The following HS3ST2 variants were observed in gnomAD, a reference collection of about 807,000 sequenced individuals.
HS3ST2 encodes heparan sulfate-glucosamine 3-sulfotransferase 2.
HS3ST2 carries 17 observed loss-of-function variants against 26.3 expected under a neutral mutation model. The observed-to-expected ratio is 0.65, with a 90% CI of 0.44 to 0.97. The LOEUF (loss-of-function observed/expected upper bound fraction) is 0.97, where lower values mean the gene tolerates loss of function less well. Ranked by LOEUF, HS3ST2 falls within the 50% of genes least tolerant of loss-of-function variation. The probability of loss-of-function intolerance (pLI) is 0.00; values close to 1 mark genes in which losing one functional copy is unlikely to be tolerated. For synonymous variants in HS3ST2, 237 were observed against 219.2 expected (o/e 1.08, Z -0.72); for missense variants, 402 against 501.2 (o/e 0.80, Z 1.89).
intron 1 of HS3ST2, among the ~76,000 whole-genome samples, chr16:22,863,524 T>C (rs1901707813): frequency 6.6e-6 from 1 of 152,260 alleles, no homozygotes; most frequent in Non-Finnish European, 1.5e-5. Flanking sequence ...TACAAATGAT[T>C]CCGTCACCCA....
intron 1 of HS3ST2, among the ~76,000 whole-genome samples, chr16:22,845,527 AT>A (rs1450212799): frequency 6.6e-6 from 1 of 150,926 alleles, no homozygotes; most frequent in Non-Finnish European, 1.5e-5. Flanking sequence ...AATTTTTTGT[AT>A]TTTTAGTAGA....
At chr16:22,842,717 CAT>C (rs771931296) in intron 1 of HS3ST2, among the ~76,000 whole-genome samples, 1 of 152,184 alleles carries the variant, frequency 6.6e-6, no homozygotes, top group Non-Finnish European at 1.5e-5. Context: ...CTGTTAGACA[CAT>C]GTTACACCTT....
At chr16:22,844,553 T>C (rs936087808) in intron 1 of HS3ST2, among the ~76,000 whole-genome samples, 10 of 152,100 alleles carry the variant, frequency 6.6e-5, no homozygotes, top group Non-Finnish European at 1.5e-4. Context: ...TCATGTTGAA[T>C]TGTAATCCTC....
intron 1 of HS3ST2, among the ~76,000 whole-genome samples, chr16:22,906,867 C>T (rs1902363128): frequency 1.3e-5 from 2 of 152,188 alleles, no homozygotes. Flanking sequence ...ATTTACTGAG[C>T]ACCTATGGTA....
At chr16:22,846,184 G>A (rs1901429428) in intron 1 of HS3ST2, among the ~76,000 whole-genome samples, 1 of 152,044 alleles carries the variant, frequency 6.6e-6, no homozygotes, top group South Asian at 2.1e-4. Flanking sequence ...GGCTGAGGCA[G>A]GAGAATTGTT....
rs190011534 is a variant in HS3ST2, at chr16:22,835,790, T to C, written c.485+20695T>C. Among the ~76,000 whole-genome samples, 139 of 152,302 alleles carry C rather than the reference T, an allele frequency of 9.1e-4. 1 individual carries two copies. The highest frequency in any genetic ancestry group is 3.3e-3 in the African/African-American group (137 of 41,558). ...ATTGAAAATAATGATGTGTACTGAA[T>C]GGTGTTACTGAAACAAGTCAGATGT... On this transcript the variant is annotated intron_variant, in intron 1 of 1. Transcript: ENST00000261374.
chr16:22,894,003 T>C (rs1902170422), intron 1 of HS3ST2, among the ~76,000 whole-genome samples: 1 of 152,182 alleles, frequency 6.6e-6, no homozygotes, highest in South Asian at 2.1e-4. Context: ...TTTGTTTTTG[T>C]AGAGACTTGG....
At chr16:22,911,993 G>C (rs576247358) in intron 1 of HS3ST2, among the ~76,000 whole-genome samples, 2 of 152,216 alleles carry the variant, frequency 1.3e-5, no homozygotes, top group Middle Eastern at 3.4e-3. Context: ...GTGGTGGTGA[G>C]TGCCTGTAGT....
At chr16:22,850,820 A>G (rs1264025402) in intron 1 of HS3ST2, among the ~76,000 whole-genome samples, 1 of 152,104 alleles carries the variant, frequency 6.6e-6, no homozygotes, top group Non-Finnish European at 1.5e-5. Context: ...AAAACACCAA[A>G]AACACAACAA....
chr16:22,879,506 C>G (rs1346455166), intron 1 of HS3ST2, among the ~76,000 whole-genome samples: 1 of 152,158 alleles, frequency 6.6e-6, no homozygotes, highest in African/African-American at 2.4e-5. Flanking sequence ...GATGAGCACA[C>G]TCTGCTGGGG....
chr16:22,861,295 G>A (rs1437636645), intron 1 of HS3ST2, among the ~76,000 whole-genome samples: 1 of 151,920 alleles, frequency 6.6e-6, no homozygotes, highest in Non-Finnish European at 1.5e-5. Flanking sequence ...ACACTTGTGG[G>A]CCCATCTCTC....
intron 1 of HS3ST2, among the ~76,000 whole-genome samples, chr16:22,912,124 G>A (rs561027295): frequency 2.5e-4 from 38 of 152,136 alleles, no homozygotes; most frequent in South Asian, 2.3e-3. Flanking sequence ...ACTCTGTCAC[G>A]CACACACACA....
At chr16:22,858,840 AG>A (rs1901638579) in intron 1 of HS3ST2, among the ~76,000 whole-genome samples, 1 of 152,212 alleles carries the variant, frequency 6.6e-6, no homozygotes, top group African/African-American at 2.4e-5. Context: ...TAATAAAGAA[AG>A]CTCAAAGTCT....
At chr16:22,841,362 C>G (rs561793793) in intron 1 of HS3ST2, among the ~76,000 whole-genome samples, 1 of 152,206 alleles carries the variant, frequency 6.6e-6, no homozygotes, top group Non-Finnish European at 1.5e-5. Flanking sequence ...CGCCCGGCCT[C>G]ACTCCCTGAA....
At chr16:22,860,337 C>T (rs755265855) in intron 1 of HS3ST2, among the ~76,000 whole-genome samples, 7 of 151,994 alleles carry the variant, frequency 4.6e-5, no homozygotes, top group Non-Finnish European at 7.4e-5. Flanking sequence ...TTCACTATCA[C>T]GAGAACAGCA....
chr16:22,888,393 C>CTTTTTTTT (rs752179930), intron 1 of HS3ST2, among the ~76,000 whole-genome samples: 1 of 91,424 alleles, frequency 1.1e-5, no homozygotes, highest in Non-Finnish European at 2.2e-5. Flanking sequence ...TTTTTTTTTT[C>CTTTTTTTT]TTTTTTTTTT....
Position 22,814,439 on chromosome 16 carries a change from G to A in HS3ST2, c.-172G>A. ...GGAGCCGCTGCCCCCGGGACCCCCT[G>A]GCACTGTGCGCACCCTGGTCAGCAG... On this transcript the variant is annotated 5_prime_UTR_variant, in exon 1 of 2. It introduces an in-frame stop codon into an upstream open reading frame of the 5' UTR. Coordinates refer to ENST00000261374, the MANE Select transcript of HS3ST2 (RefSeq NM_006043.2). 1 of 580,560 alleles carries A rather than the reference G, an allele frequency of 1.7e-6. No individual in the cohort carries two copies. The allele number at this position is 580,560 out of a possible 1,614,324, so 36.0% of individuals were successfully genotyped here.
intron 1 of HS3ST2, among the ~76,000 whole-genome samples, chr16:22,821,492 C>T (rs745799905): frequency 3.2e-4 from 48 of 151,778 alleles, no homozygotes; most frequent in Non-Finnish European, 6.0e-4. Context: ...CCCTGGAGGA[C>T]TTGAGGAGAG....
At chr16:22,855,696 G>GTCTCTCTC (rs3078722) in intron 1 of HS3ST2, among the ~76,000 whole-genome samples, 5,300 of 142,936 alleles carry the variant, frequency 0.037, 124 homozygotes, top group East Asian at 0.086. Flanking sequence ...CTGTCTCTCT[G>GTCTCTCTC]TCTCTCTCTC....
Sources: allele counts gnomAD v4.1 joint callset (sites outside exome capture counted in the v4.1 genomes callset), GRCh38; gene constraint gnomAD v4.1.1; transcripts MANE v1.5; gene names NCBI Gene and HGNC (gene_info 2026-07-23, HGNC 2026-07-21).